Variants in KIF6 observed in about 807,000 individuals in gnomAD.
KIF6 encodes the protein kinesin-like protein KIF6.
KIF6 carries 106 observed loss-of-function variants against 112.7 expected under a neutral mutation model. That is an observed-to-expected ratio of 0.94 (90% CI 0.80 to 1.11). The LOEUF is 1.11. Among genes scored for constraint, KIF6 ranks in the 50% least tolerant of loss-of-function variants. The pLI is 0.00. For synonymous variants in KIF6, 339 were observed against 339.9 expected, an observed-to-expected ratio of 1.00 and a Z score of 0.03; for missense variants, 929 against 964.0, an observed-to-expected ratio of 0.96 and a Z score of 0.48.
intron 3 of KIF6, among the ~76,000 whole-genome samples, chr6:39,664,100 A>C (rs1444159250): frequency 7.9e-5 from 12 of 152,136 alleles, no homozygotes; most frequent in Admixed American, 7.9e-4. Context: ...ATATGATTTC[A>C]CGTGGTGATA....
At chr6:39,669,509 T>A (rs746864549) in intron 3 of KIF6, among the ~76,000 whole-genome samples, 4 of 152,244 alleles carry the variant, frequency 2.6e-5, no homozygotes, top group Non-Finnish European at 4.4e-5. Flanking sequence ...ATTTTCCACA[T>A]CTCACATAGG....
At chr6:39,627,750 T>A (rs534294639) in intron 5 of KIF6, among the ~76,000 whole-genome samples, 1 of 152,266 alleles carries the variant, frequency 6.6e-6, no homozygotes, top group East Asian at 1.9e-4. Context: ...ATGACAATCG[T>A]TAGAATCTTA....
At chr6:39,722,656 T>C (rs1790285961) in intron 1 of KIF6, among the ~76,000 whole-genome samples, 1 of 152,188 alleles carries the variant, frequency 6.6e-6, no homozygotes, top group Non-Finnish European at 1.5e-5. Flanking sequence ...TTTGAGTCAC[T>C]CTCAATTTAA....
chr6:39,703,301 A>G (rs946251690), intron 3 of KIF6, among the ~76,000 whole-genome samples: 3 of 152,082 alleles, frequency 2.0e-5, no homozygotes, highest in African/African-American at 7.2e-5. Context: ...GGTGTGATAA[A>G]GCAATTTAAG....
chr6:39,627,634 T>C (rs1452424765), intron 5 of KIF6, among the ~76,000 whole-genome samples: 1 of 152,194 alleles, frequency 6.6e-6, no homozygotes, highest in Non-Finnish European at 1.5e-5. Context: ...ATTTAACATT[T>C]GGTGACTTTT....
At chr6:39,360,095 T>C (rs1765010102) in intron 18 of KIF6, among the ~76,000 whole-genome samples, 1 of 152,212 alleles carries the variant, frequency 6.6e-6, no homozygotes, top group Non-Finnish European at 1.5e-5. Flanking sequence ...TAAATGTCAG[T>C]AGGAAATCAG....
At chr6:39,356,878 G>A (rs540751305) in intron 19 of KIF6, among the ~76,000 whole-genome samples, 3 of 152,286 alleles carry the variant, frequency 2.0e-5, no homozygotes, top group South Asian at 2.1e-4. Flanking sequence ...TGGCTAGGAC[G>A]AAGAGCTCCC....
chr6:39,574,554 A>C (rs1313210949), intron 10 of KIF6, among the ~76,000 whole-genome samples: 1 of 152,204 alleles, frequency 6.6e-6, no homozygotes, highest in African/African-American at 2.4e-5. Flanking sequence ...TTATTGATTT[A>C]GAGTAATTTT....
At chr6:39,357,560 T>G (rs1408253210) in intron 18 of KIF6, among the ~76,000 whole-genome samples, 186 bp from the exon 19 acceptor site, 1 of 151,772 alleles carries the variant, frequency 6.6e-6, no homozygotes, top group South Asian at 2.1e-4. Context: ...GCAATTCTCC[T>G]GCCTCAGCCT....
Position 39,545,617 on chromosome 6 carries a change from A to G in KIF6, c.1253T>C (p.Met418Thr), listed in dbSNP as rs369041236. The G allele has an allele frequency of 6.2e-6, 10 of 1,613,436 alleles. No homozygotes were observed. In the African/African-American group the frequency reaches 1.3e-4, roughly 22 times the overall value. The change falls in exon 11 of 23, where the codon ATG (methionine) becomes ACG (threonine). Residue 418 changes from methionine to threonine, a missense_variant. Transcript: ENST00000287152. Reference sequence around the variant, plus strand: ...ATGAAAACAGTGATGAACTTTACGCATATCCGCGCCAACCTCTAATCTACT... The same window carrying G: ...ATGAAAACAGTGATGAACTTTACGCGTATCCGCGCCAACCTCTAATCTACT... Reference protein sequence around the residue: ...SDSRLEVGADMRKVHHCFHHL... With the variant: ...SDSRLEVGADTRKVHHCFHHL...
At chr6:39,567,187 G>A (rs1469081718) in intron 10 of KIF6, among the ~76,000 whole-genome samples, 1 of 152,160 alleles carries the variant, frequency 6.6e-6, no homozygotes, top group African/African-American at 2.4e-5. Context: ...TAACACTGAT[G>A]GGGTGCTTGT....
chr6:39,575,379 T>C (rs1327756517), intron 10 of KIF6, among the ~76,000 whole-genome samples: 5 of 151,964 alleles, frequency 3.3e-5, no homozygotes, highest in Non-Finnish European at 2.9e-5. Context: ...GACGCCATTC[T>C]CCTGTCTCAG....
intron 5 of KIF6, chr6:39,617,605 G>A (rs1783589009): frequency 2.4e-6 from 1 of 415,956 alleles, no homozygotes. Context: ...TCATGGGTTT[G>A]TATAGTTATC....
chr6:39,372,476 T>C (rs1259009280), intron 16 of KIF6, among the ~76,000 whole-genome samples: 1 of 152,202 alleles, frequency 6.6e-6, no homozygotes, highest in Non-Finnish European at 1.5e-5. Flanking sequence ...TGAATTGGGA[T>C]TCACTTTTTA....
intron 15 of KIF6, among the ~76,000 whole-genome samples, chr6:39,389,481 A>G (rs9380854): frequency 0.13 from 20,178 of 152,148 alleles, 1,752 homozygotes; most frequent in African/African-American, 0.23. Context: ...TGGAATATAC[A>G]CACTCGTAGA....
chr6:39,356,115 A>C (rs1004360259), intron 19 of KIF6, among the ~76,000 whole-genome samples: 5 of 151,512 alleles, frequency 3.3e-5, no homozygotes, highest in Admixed American at 6.6e-5. Context: ...TGACAATTTG[A>C]GGCATGCTAG....
rs374131606 is a variant in KIF6 at position 39,403,569 on chromosome 6, TG to T, written c.1810+16378del. On this transcript the variant is annotated intron_variant, in intron 15 of 22. Transcript: ENST00000287152. ...ATCCCCTCACTCACTGAAGGACATT[TG>T]GGTTACCACCAGTTTTTGGCAATTA... Among the ~76,000 whole-genome samples the T allele has an allele frequency of 2.9e-3, 438 of 152,350 alleles. 5 individuals are homozygous for T. The highest frequency in any genetic ancestry group is 8.0e-3 in the African/African-American group (332 of 41,588).
chr6:39,404,327 T>C (rs978891925), intron 15 of KIF6, among the ~76,000 whole-genome samples: 12 of 152,218 alleles, frequency 7.9e-5, no homozygotes, highest in Non-Finnish European at 1.0e-4. Flanking sequence ...TATGATCTGT[T>C]TTGACTCAAT....
At chr6:39,636,400 T>TC (rs1488779271) in intron 4 of KIF6, among the ~76,000 whole-genome samples, 1 of 152,178 alleles carries the variant, frequency 6.6e-6, no homozygotes, top group Admixed American at 6.6e-5. Flanking sequence ...CAATTTTTTT[T>TC]CAGCGTAATG....
Sources: gnomAD v4.1 joint callset for allele counts (sites outside exome capture counted in the v4.1 genomes callset) on GRCh38, gnomAD v4.1.1 for gene constraint, MANE v1.5 for transcripts, NCBI Gene and HGNC (gene_info 2026-07-23, HGNC 2026-07-21) for gene names.